Variants in RIN2 observed in about 807,000 individuals in gnomAD.
RIN2 encodes Ras and Rab interactor 2, also known as RAB5 interacting protein 2.
A neutral mutation model predicts 78.0 loss-of-function variants in RIN2; 36 were observed. That is an observed-to-expected ratio of 0.46 (90% CI 0.35 to 0.61). The LOEUF is 0.61. RIN2 is among the 20% of genes least tolerant of loss of function. The pLI, the probability that RIN2 is intolerant of heterozygous loss-of-function variation, is 0.00. For synonymous variants in RIN2, 466 were observed against 466.8 expected, an observed-to-expected ratio of 1.00 and a Z score of 0.02; for missense variants, 1,087 against 1,159.7, an observed-to-expected ratio of 0.94 and a Z score of 0.91.
chr20:19,869,792 TTTTATTTATTTATTTA>T (rs71198030), intron 2 of RIN2, among the ~76,000 whole-genome samples: 4 of 136,426 alleles, frequency 2.9e-5, no homozygotes, highest in South Asian at 2.5e-4. Flanking sequence ...GCCTGGCTAA[TTTTATTTATTTATTTA>T]TTTATTTATT....
intron 3 of RIN2, among the ~76,000 whole-genome samples, chr20:19,903,109 TA>T (rs2039058992): frequency 1.3e-5 from 2 of 152,032 alleles, no homozygotes; most frequent in Admixed American, 6.6e-5. Context: ...ATAAAATAAA[TA>T]AAAATAAAAT....
At chr20:19,903,562 G>C (rs1372478909) in intron 3 of RIN2, among the ~76,000 whole-genome samples, 1 of 152,248 alleles carries the variant, frequency 6.6e-6, no homozygotes, top group African/African-American at 2.4e-5. Flanking sequence ...CTTGACCACT[G>C]GTTCTCTGGA....
At position 19,936,613 on chromosome 20, in the gene RIN2, G is replaced by A. The variant is rs1224334091; in HGVS notation, c.158+1414G>A. ...CCTTTCCCCTGCATATAAGCACAGG[G>A]GATTTTGGGGGTGTGAGAAGGACGT... On this transcript the variant is annotated intron_variant, in intron 4 of 12. Transcript: ENST00000255006. Among the ~76,000 whole-genome samples the A allele has an allele frequency of 3.9e-5, 6 of 152,174 alleles. No individual in the cohort carries two copies. The East Asian group carries it at 9.6e-4, about 24-fold the overall frequency.
At chr20:19,968,553 A>T (rs1568676864) in intron 7 of RIN2, among the ~76,000 whole-genome samples, 1 of 152,184 alleles carries the variant, frequency 6.6e-6, no homozygotes, top group African/African-American at 2.4e-5. Flanking sequence ...CATATACAAC[A>T]TCTAATTTTC....
In RIN2 at chr20:19,944,690, C is replaced by CT. The variant is rs11474376; in HGVS notation, c.158+9501dup. Among the ~76,000 whole-genome samples, 395 of 149,062 alleles carry CT rather than the reference C, an allele frequency of 2.6e-3. 1 individual carries two copies. Among genetic ancestry groups the CT allele is most frequent in the East Asian group, 2.2e-3 (11 of 5,108 alleles). ...AACACAAAAATATCAAGAGAAGTGG[C>CT]TTTTTTTTTTCTTTTTCCATCTGAA... On this transcript the variant is annotated intron_variant, in intron 4 of 12. Transcript: ENST00000255006.
rs770161353 is a variant in RIN2, at chr20:19,965,042, CAT to C, written c.536+21_536+22del. On this transcript the variant is annotated intron_variant, in intron 7 of 12. Transcript: ENST00000255006. ...ATCAGCAGGTAAGGCCTCTTCCTCT[CAT>C]ATGGTTTCAAGGCCCTGTTTGGTGT... The C allele has an allele frequency of 3.1e-6, 5 of 1,600,282 alleles. No homozygotes were observed. Among genetic ancestry groups the C allele is most frequent in the Non-Finnish European group, 3.4e-6 (4 of 1,169,212 alleles).
chr20:19,947,286 C>T (rs1056850817), intron 4 of RIN2, among the ~76,000 whole-genome samples: 1 of 152,088 alleles, frequency 6.6e-6, no homozygotes, highest in African/African-American at 2.4e-5. Context: ...GCAGGAGGAT[C>T]ACTTAAGGCC....
chr20:19,975,072 T>C lies in RIN2; in HGVS notation c.1047T>C (p.Pro349=). ...NHNKHGNVAL[P]GTKPTPIPPP... is the part of the protein sequence containing the mutation. ...ACAAACATGGGAACGTAGCTCTGCC[T>C]GGAACGAAACCAACTCCCATCCCTC... The change falls in exon 9 of 13, where the codon CCT becomes CCC. Residue 349 remains proline (P), a synonymous_variant. Transcript: ENST00000255006. This position sits in a 1 kb window ranked among gnomAD's most constrained non-coding sequence, Gnocchi z 4.9. 6.2e-7 allele frequency: 1 copy of C among 1,613,412 alleles called. No homozygotes were observed. Among genetic ancestry groups the C allele is most frequent in the Non-Finnish European group, 8.5e-7 (1 of 1,179,868 alleles).
intron 1 of RIN2, among the ~76,000 whole-genome samples, chr20:19,789,646 G>C (rs532401058): frequency 6.6e-6 from 1 of 152,290 alleles, no homozygotes; most frequent in East Asian, 1.9e-4. Context: ...TATAACTGTT[G>C]TTCCAATCTG....
At chr20:19,863,385 T>C (rs1438773672) in intron 2 of RIN2, among the ~76,000 whole-genome samples, 1 of 152,192 alleles carries the variant, frequency 6.6e-6, no homozygotes, top group Non-Finnish European at 1.5e-5. Flanking sequence ...CCAACTTGAC[T>C]GCTGGCTGCT....
Position 19,761,599 on chromosome 20 carries a change from G to A in RIN2, c.-163+3272G>A, listed in dbSNP as rs558636377. Among the ~76,000 whole-genome samples, 146 of 152,242 alleles carry A rather than the reference G, an allele frequency of 9.6e-4. 2 individuals are homozygous for A. The highest frequency in any genetic ancestry group is 3.4e-3 in the Middle Eastern group (1 of 294). The stretch of plus-strand genomic sequence containing the variant: ...TTTAGTTCTCCCAAAATCTTATAAT[G>A]TCTAGGCCAACTTCCAAGGAATGTT... On this transcript the variant is annotated intron_variant, in intron 1 of 12. Coordinates refer to ENST00000255006, the MANE Select transcript of RIN2 (RefSeq NM_018993.4).
At chr20:19,883,179 C>A (rs1254617972) in intron 2 of RIN2, among the ~76,000 whole-genome samples, 1 of 152,072 alleles carries the variant, frequency 6.6e-6, no homozygotes, top group Non-Finnish European at 1.5e-5. Flanking sequence ...CCTGGGCCAC[C>A]GGTGCAGGAG....
Position 20,000,990 on chromosome 20 carries a change from C to T in RIN2, c.*54C>T. 4 of 1,479,998 alleles carry T rather than the reference C, an allele frequency of 2.7e-6. No homozygotes were observed. The highest frequency in any genetic ancestry group is 3.7e-6 in the Non-Finnish European group (4 of 1,090,404). 91.7% of individuals were successfully genotyped at this position (1,479,998 alleles called of 1,614,324 possible). A position where few individuals can be genotyped will look rare whatever the true frequency, so the allele number is the denominator to read the frequency against. On this transcript the variant is annotated 3_prime_UTR_variant, in exon 13 of 13. Transcript: ENST00000255006. The stretch of plus-strand genomic sequence containing the variant: ...TCCAAAGGGGAGCTGGAAGCCTTGC[C>T]TTCCCGCTTCTACATGCTTGAGCTT...
chr20:19,900,712 AG>A (rs2038940830), intron 3 of RIN2, among the ~76,000 whole-genome samples: 1 of 151,964 alleles, frequency 6.6e-6, no homozygotes, highest in East Asian at 1.9e-4. Flanking sequence ...GCACTTTGGG[AG>A]TCCAAGGTGG....
intron 1 of RIN2, among the ~76,000 whole-genome samples, chr20:19,782,518 T>G (rs2034543074): frequency 6.8e-6 from 1 of 146,546 alleles, no homozygotes; most frequent in Non-Finnish European, 1.5e-5. Context: ...TGAGTTGAGA[T>G]GGACTCCAGC....
chr20:19,934,549 C>T lies in RIN2; in HGVS notation c.58-550C>T, dbSNP rs1024688251. 4 of 985,044 alleles carry T rather than the reference C, an allele frequency of 4.1e-6. No individual in the cohort carries two copies. In the South Asian group the frequency reaches 1.4e-4, roughly 35 times the overall value. 61.0% of individuals were successfully genotyped at this position (985,044 alleles called of 1,614,324 possible). On this transcript the variant is annotated intron_variant, in intron 3 of 12. Coordinates refer to ENST00000255006, the MANE Select transcript of RIN2 (RefSeq NM_018993.4). ...ACTCAGTCCTTTCTCTTCCCTTTCCCCAACAATCTTCTCTCCACAGCAGTG... is the reference window on the plus strand; with the variant it reads ...ACTCAGTCCTTTCTCTTCCCTTTCCTCAACAATCTTCTCTCCACAGCAGTG...
intron 2 of RIN2, among the ~76,000 whole-genome samples, chr20:19,861,380 G>A (rs561900774): frequency 6.6e-6 from 1 of 152,300 alleles, no homozygotes; most frequent in East Asian, 1.9e-4. Context: ...TTCTTGGCTT[G>A]ACGAAACTTT....
chr20:19,981,327 C>T (rs1246432800), intron 9 of RIN2, among the ~76,000 whole-genome samples: 4 of 152,152 alleles, frequency 2.6e-5, no homozygotes, highest in Non-Finnish European at 5.9e-5. Flanking sequence ...CATGACTCAT[C>T]ACTGAAATTG....
At chr20:19,813,973 T>C (rs2035682604) in intron 2 of RIN2, among the ~76,000 whole-genome samples, 1 of 152,208 alleles carries the variant, frequency 6.6e-6, no homozygotes, top group Non-Finnish European at 1.5e-5. Context: ...AGATGGGTAA[T>C]TTGAAATGAT....
Sources: allele counts gnomAD v4.1 joint callset (sites outside exome capture counted in the v4.1 genomes callset), GRCh38; gene constraint gnomAD v4.1.1; non-coding constraint Gnocchi (gnomAD v3.1); transcripts MANE v1.5; gene names NCBI Gene and HGNC (gene_info 2026-07-23, HGNC 2026-07-21).